Variants in BCKDHB observed in about 807,000 individuals in gnomAD.
BCKDHB encodes the protein 2-oxoisovalerate dehydrogenase subunit beta, mitochondrial.
BCKDHB carries 41 observed loss-of-function variants against 48.5 expected under a neutral mutation model. The observed-to-expected ratio is 0.85, with a 90% confidence interval of 0.66 to 1.10. The LOEUF is 1.10. BCKDHB is among the 50% of genes least tolerant of loss of function. BCKDHB has a pLI of 0.00. For missense variants in BCKDHB, 496 were observed against 494.2 expected, an observed-to-expected ratio of 1.00 and a Z score of -0.03; for synonymous variants, 201 against 174.8, an observed-to-expected ratio of 1.15 and a Z score of -1.18.
intron 3 of BCKDHB, among the ~76,000 whole-genome samples, chr6:80,140,402 C>T (rs1358351584): frequency 2.0e-5 from 3 of 152,150 alleles, no homozygotes; most frequent in Non-Finnish European, 4.4e-5. Context: ...GGGAATGCTT[C>T]CAGTTTTTGT....
chr6:80,286,276 AC>A (rs1766623911), intron 9 of BCKDHB, among the ~76,000 whole-genome samples: 1 of 152,194 alleles, frequency 6.6e-6, no homozygotes, highest in African/African-American at 2.4e-5. Flanking sequence ...CTTAGAGTAA[AC>A]CCAATTTTAA....
downstream of BCKDHB, among the ~76,000 whole-genome samples, chr6:80,351,076 T>C (rs1310333841): frequency 6.6e-6 from 1 of 152,318 alleles, no homozygotes; most frequent in South Asian, 2.1e-4. Context: ...AAAATGATAT[T>C]ATGTACATTT....
chr6:80,392,139 T>A, the BCKDHB span, among the ~76,000 whole-genome samples: 13 of 152,072 alleles, frequency 8.5e-5, no homozygotes, highest in South Asian at 2.5e-3. Context: ...ACCACAGGTG[T>A]ATGCCACCAC....
the BCKDHB span, among the ~76,000 whole-genome samples, chr6:80,437,183 G>T: frequency 6.6e-6 from 1 of 151,574 alleles, no homozygotes; most frequent in East Asian, 1.9e-4. Context: ...AGACTTCCCA[G>T]AATAAAATCT....
the BCKDHB span, among the ~76,000 whole-genome samples, chr6:80,359,078 C>T: frequency 3.3e-3 from 510 of 152,288 alleles, 3 homozygotes; most frequent in Non-Finnish European, 3.7e-3. Context: ...TGGGCAGCAG[C>T]CCAGTTCACC....
chr6:80,312,149 T>C (rs1582551096), intron 9 of BCKDHB, among the ~76,000 whole-genome samples: 4 of 152,278 alleles, frequency 2.6e-5, no homozygotes, highest in Admixed American at 2.6e-4. Context: ...CTTCCCTTAT[T>C]AGCTGTATTC....
chr6:80,168,015 C>T (rs1772664248), intron 4 of BCKDHB, among the ~76,000 whole-genome samples: 1 of 152,080 alleles, frequency 6.6e-6, no homozygotes, highest in African/African-American at 2.4e-5. Flanking sequence ...TGAAGTGGCT[C>T]ACATCTGCAA....
chr6:80,282,981 A>G (rs1453828597), intron 9 of BCKDHB, among the ~76,000 whole-genome samples: 1 of 151,928 alleles, frequency 6.6e-6, no homozygotes, highest in Non-Finnish European at 1.5e-5. Context: ...TGTACATTTG[A>G]GTTTTGGGAT....
chr6:80,127,335 T>G, intron 1 of BCKDHB: 1 of 531,722 alleles, frequency 1.9e-6, no homozygotes, highest in Non-Finnish European at 3.4e-6. Context: ...TACAAAAAAT[T>G]GTTTAATATG....
the BCKDHB span, among the ~76,000 whole-genome samples, chr6:80,434,545 A>AT: frequency 9.2e-5 from 14 of 151,958 alleles, no homozygotes; most frequent in African/African-American, 2.4e-4. Flanking sequence ...GATATTGTGA[A>AT]TTTTTTTATT....
At chr6:80,447,314 C>T in the BCKDHB span, among the ~76,000 whole-genome samples, 2 of 151,792 alleles carry the variant, frequency 1.3e-5, no homozygotes, top group African/African-American at 2.4e-5. Flanking sequence ...TTTTTGCTAC[C>T]TTTTTTTGTA....
chr6:80,268,792 A>G (rs1466845167), intron 8 of BCKDHB, among the ~76,000 whole-genome samples: 2 of 152,160 alleles, frequency 1.3e-5, no homozygotes, highest in East Asian at 3.9e-4. Flanking sequence ...TCACTAAAAC[A>G]TATGTCTAAT....
At chr6:80,281,025 TGC>T (rs1778171473) in intron 9 of BCKDHB, among the ~76,000 whole-genome samples, 2 of 109,984 alleles carry the variant, frequency 1.8e-5, no homozygotes, top group South Asian at 2.9e-4. Context: ...AACAGGTGTA[TGC>T]GTGTGTGTGT....
intron 8 of BCKDHB, among the ~76,000 whole-genome samples, chr6:80,235,205 G>A (rs1333412058): frequency 1.3e-5 from 2 of 152,130 alleles, no homozygotes; most frequent in Non-Finnish European, 2.9e-5. Flanking sequence ...GATGATAGAT[G>A]TCCCAGTTAC....
chr6:80,296,792 T>C (rs1018708194), intron 9 of BCKDHB, among the ~76,000 whole-genome samples: 4 of 152,236 alleles, frequency 2.6e-5, no homozygotes, highest in Non-Finnish European at 1.5e-5. Context: ...TTACAATTAA[T>C]TTTTCACAAA....
chr6:80,149,367 G>T (rs1265146350), intron 3 of BCKDHB, among the ~76,000 whole-genome samples: 1 of 152,188 alleles, frequency 6.6e-6, no homozygotes, highest in Non-Finnish European at 1.5e-5. Context: ...TTATACTGTT[G>T]CTGGGACCGT....
chr6:80,142,182 G>A (rs906158288), intron 3 of BCKDHB, among the ~76,000 whole-genome samples: 1 of 151,824 alleles, frequency 6.6e-6, no homozygotes, highest in African/African-American at 2.4e-5. Flanking sequence ...TAGATCTTGA[G>A]GAAATCTATG....
At chr6:80,244,507 A>T (rs976480831) in intron 8 of BCKDHB, among the ~76,000 whole-genome samples, 32 of 152,276 alleles carry the variant, frequency 2.1e-4, no homozygotes, top group Non-Finnish European at 3.8e-4. Context: ...AATTAGCATA[A>T]TTTTTTTGTT....
At chr6:80,225,444 A>T (rs1775641289) in intron 8 of BCKDHB, among the ~76,000 whole-genome samples, 1 of 152,172 alleles carries the variant, frequency 6.6e-6, no homozygotes, top group African/African-American at 2.4e-5. Context: ...TACAAGAATA[A>T]ATTTAAATGG....
Sources: allele counts gnomAD v4.1 joint callset (sites outside exome capture counted in the v4.1 genomes callset), GRCh38; gene constraint gnomAD v4.1.1; transcripts MANE v1.5; gene names NCBI Gene and HGNC (gene_info 2026-07-23, HGNC 2026-07-21).